Variants in VNN2 observed in about 807,000 individuals in gnomAD.
VNN2 encodes the protein pantetheine hydrolase VNN2.
In VNN2, 43 loss-of-function variants were observed where a neutral mutation model predicts 43.0. The observed-to-expected ratio is 1.00, with a 90% CI of 0.78 to 1.29. The LOEUF is 1.29. Ranked by LOEUF, VNN2 falls within the 50% of genes most tolerant of loss-of-function variation. The probability of loss-of-function intolerance (pLI) is 0.00; values close to 1 mark genes in which losing one functional copy is unlikely to be tolerated. For missense variants in VNN2, 652 were observed against 619.7 expected (o/e 1.05, Z -0.55); for synonymous variants, 230 against 224.3 (o/e 1.03, Z -0.23).
At chr6:132,759,700 G>T (rs1004625684), upstream of VNN2, among the ~76,000 whole-genome samples, 4 of 152,110 alleles carry the variant, frequency 2.6e-5, no homozygotes, top group Non-Finnish European at 4.4e-5. Flanking sequence ...GGGCCTAGGG[G>T]CTATAAATAA....
chr6:132,753,184 C>T, intron 3 of VNN2: 1 of 207,866 alleles, frequency 4.8e-6, no homozygotes, highest in South Asian at 6.7e-5. Flanking sequence ...GCCACTATGC[C>T]CGGCTAATTT....
Position 132,752,620 on chromosome 6 carries a change from G to A in VNN2, c.667C>T (p.Leu223=). Reference sequence around the variant, plus strand: ...GTGTCCACATGGAAATCTTTCACCAGGGTAACACCAGGATCATAGAAGAAT... The same window carrying A: ...GTGTCCACATGGAAATCTTTCACCAAGGTAACACCAGGATCATAGAAGAAT... ...DIFFYDPGVT[L]VKDFHVDTIL... Residue 223 remains leucine, a synonymous_variant, in exon 4 of 7, where the codon CTG becomes TTG. Coordinates refer to ENST00000326499, the MANE Select transcript of VNN2 (RefSeq NM_004665.6). The A allele has an allele frequency of 6.2e-7, 1 of 1,614,114 alleles. No homozygotes were observed. The highest frequency in any genetic ancestry group is 8.5e-7 in the Non-Finnish European group (1 of 1,180,006).
Position 132,757,547 on chromosome 6 carries a change from C to A in VNN2, c.214-1G>T, listed in dbSNP as rs932025278. 6.2e-7 allele frequency: 1 copy of A among 1,612,132 alleles called. No homozygotes were observed. Among genetic ancestry groups the A allele is most frequent in the East Asian group, 2.2e-5 (1 of 44,878 alleles). ...CTGGAGTCACAATGATTCGAGCACC[C>A]TGTTCAAAACAAGCAAAATAAAAAT... On this transcript the variant is annotated splice_acceptor_variant, in intron 1 of 6. Coordinates refer to ENST00000326499, the MANE Select transcript of VNN2 (RefSeq NM_004665.6). LOFTEE classifies it high-confidence loss of function.
chr6:132,747,004 G>T (rs1036845513), intron 6 of VNN2, among the ~76,000 whole-genome samples: 1 of 152,010 alleles, frequency 6.6e-6, no homozygotes, highest in Non-Finnish European at 1.5e-5. Flanking sequence ...CTGTCACATG[G>T]CTCTTTCATA....
intron 6 of VNN2, among the ~76,000 whole-genome samples, chr6:132,745,089 A>G (rs1404601463): frequency 6.6e-6 from 1 of 152,186 alleles, no homozygotes; most frequent in East Asian, 1.9e-4. Context: ...AGATCAAGGC[A>G]ATGTGAGTTC....
chr6:132,751,390 T>C lies in VNN2; in HGVS notation c.955A>G (p.Asn319Asp). 1 of 1,614,184 alleles carries C rather than the reference T, an allele frequency of 6.2e-7. No individual in the cohort carries two copies. Among genetic ancestry groups the C allele is most frequent in the Non-Finnish European group, 8.5e-7 (1 of 1,180,020 alleles). The change falls in exon 5 of 7, where the codon AAT (asparagine) becomes GAT (aspartate). Residue 319 changes from asparagine to aspartate, a missense_variant. By Grantham distance (23) the Asn-to-Asp change is conservative (BLOSUM62 1). Coordinates refer to ENST00000326499, the MANE Select transcript of VNN2 (RefSeq NM_004665.6). ...LSSLAYPTAV[N>D]WNAYATTIKP... ...ATGGTGGTGGCGTAGGCATTCCAAT[T>C]AACAGCTGTTGGGTAGGCAAGCGAG... is the stretch of plus-strand genomic sequence containing the variant.
upstream of VNN2, among the ~76,000 whole-genome samples, chr6:132,759,438 C>CAAAAAAAAAAAAAAAAAAAA (rs58195059): frequency 4.3e-5 from 3 of 69,176 alleles, no homozygotes; most frequent in African/African-American, 9.9e-5. Context: ...AACTCCGTCT[C>CAAAAAAAAAAAAAAAAAAAA]AAAAAAAAAA....
At chr6:132,754,605 C>T (rs1780341383) in intron 3 of VNN2, among the ~76,000 whole-genome samples, 1 of 152,166 alleles carries the variant, frequency 6.6e-6, no homozygotes, top group African/African-American at 2.4e-5. Flanking sequence ...AAGGGACATT[C>T]ATACTGCCTG....
At chr6:132,748,216 C>T (rs1315853741) in intron 6 of VNN2, among the ~76,000 whole-genome samples, 1 of 152,124 alleles carries the variant, frequency 6.6e-6, no homozygotes, top group Non-Finnish European at 1.5e-5. Context: ...GTCCAGCCAC[C>T]TTTTAGCTAC....
intron 6 of VNN2, among the ~76,000 whole-genome samples, chr6:132,747,186 T>C (rs914820094): frequency 6.6e-6 from 1 of 152,186 alleles, no homozygotes; most frequent in African/African-American, 2.4e-5. Context: ...GGATACAGCA[T>C]GACAAGTTCA....
chr6:132,752,948 C>A (rs188334867), intron 3 of VNN2, 199 bp from the exon 4 acceptor site: 1 of 546,874 alleles, frequency 1.8e-6, no homozygotes, highest in African/African-American at 1.9e-5. Context: ...TAGCATCTCT[C>A]ATCTCCTCTC....
At chr6:132,755,713 A>C in intron 3 of VNN2, 130 bp downstream of exon 3, 1 of 1,088,736 alleles carries the variant, frequency 9.2e-7, no homozygotes, top group Non-Finnish European at 1.3e-6. Context: ...TTCAAAAAAC[A>C]AAAAACAAAA....
chr6:132,751,204 C>A lies in VNN2; in HGVS notation c.1141G>T (p.Val381Leu). 2 of 1,614,118 alleles carry A rather than the reference C, an allele frequency of 1.2e-6. No homozygotes were observed. Among genetic ancestry groups the A allele is most frequent in the East Asian group, 2.2e-5 (1 of 44,888 alleles). The change falls in exon 5 of 7, where the codon GTA (valine) becomes TTA (leucine). Residue 381 changes from valine (V) to leucine (L), a missense_variant. Transcript: ENST00000326499. ...CCTGTAAAAGCTCCTAGAACGTATA[C>A]TTCATTCTCTTCTTTTTGTAACATT... The part of the protein sequence containing the change: ...YRMLQKEENE[V>L]YVLGAFTGLH...
At chr6:132,745,690 G>C (rs1330653562) in intron 6 of VNN2, among the ~76,000 whole-genome samples, 1 of 152,206 alleles carries the variant, frequency 6.6e-6, no homozygotes, top group Non-Finnish European at 1.5e-5. Context: ...GAAGGAATAT[G>C]ATCAGAGGAA....
intron 6 of VNN2, among the ~76,000 whole-genome samples, chr6:132,748,136 A>G (rs988024249): frequency 3.9e-5 from 6 of 152,180 alleles, no homozygotes; most frequent in Admixed American, 6.5e-5. Context: ...TGTCCTCCTA[A>G]GTTTACCTTG....
intron 6 of VNN2, among the ~76,000 whole-genome samples, chr6:132,749,246 G>A (rs958965975): frequency 2.6e-5 from 4 of 152,126 alleles, no homozygotes; most frequent in Non-Finnish European, 5.9e-5. Flanking sequence ...GTAACTTCCT[G>A]TGTTGATGCA....
At chr6:132,758,026 TCTTCTTCTTC>T (rs565829733), upstream of VNN2, 454 of 120,276 alleles carry the variant, frequency 3.8e-3, 56 homozygotes, top group African/African-American at 0.016. Flanking sequence ...TTCTTCTTCT[TCTTCTTCTTC>T]TTCTTTTTTT....
chr6:132,757,106 T>C (rs989205609), intron 2 of VNN2, among the ~76,000 whole-genome samples: 4 of 152,210 alleles, frequency 2.6e-5, no homozygotes, highest in African/African-American at 9.7e-5. Context: ...TTGGAATGTA[T>C]TCCTAACACA....
Position 132,744,068 on chromosome 6 carries a change from C to G in VNN2, c.*232G>C. On this transcript the variant is annotated 3_prime_UTR_variant, in exon 7 of 7. Coordinates refer to ENST00000326499, the MANE Select transcript of VNN2 (RefSeq NM_004665.6). ...GGAGTTTGATCTTCATTTATCTGACCCAAACACCCAGGCTCTTTCCATTGT... is the reference window on the plus strand; with the variant it reads ...GGAGTTTGATCTTCATTTATCTGACGCAAACACCCAGGCTCTTTCCATTGT... The G allele has an allele frequency of 2.9e-6, 1 of 345,734 alleles. No homozygotes were observed. Among genetic ancestry groups the G allele is most frequent in the Non-Finnish European group, 5.1e-6 (1 of 195,016 alleles). The allele number at this position is 345,734 out of a possible 1,614,324, so 21.4% of individuals were successfully genotyped here. A position where few individuals can be genotyped will look rare whatever the true frequency, so the allele number is the denominator to read the frequency against.
Sources: allele counts gnomAD v4.1 joint callset (sites outside exome capture counted in the v4.1 genomes callset), GRCh38; gene constraint gnomAD v4.1.1; transcripts MANE v1.5; gene names NCBI Gene and HGNC (gene_info 2026-07-23, HGNC 2026-07-21).